Variants in TEKT5 observed in about 807,000 individuals in gnomAD.
TEKT5 encodes the protein tektin-5.
TEKT5 carries 52 observed loss-of-function variants against 48.7 expected under a neutral mutation model. The ratio of observed to expected loss-of-function variants is 1.07; its 90% CI spans 0.86 to 1.35. TEKT5 has a LOEUF of 1.35. Among genes scored for constraint, TEKT5 ranks in the 40% most tolerant of loss-of-function variants. The probability of loss-of-function intolerance (pLI) is 0.00; values close to 1 mark genes in which losing one functional copy is unlikely to be tolerated. For synonymous variants in TEKT5, 318 were observed against 267.6 expected, an observed-to-expected ratio of 1.19 and a Z score of -1.84; for missense variants, 831 against 641.6, an observed-to-expected ratio of 1.30 and a Z score of -3.19.
intron 4 of TEKT5, 133 bp from the exon 5 acceptor site, chr16:10,676,314 T>A: frequency 1.2e-6 from 1 of 852,272 alleles, no homozygotes; most frequent in Non-Finnish European, 1.8e-6. Context: ...TTGGGATGTT[T>A]AAGCAGCATC....
chr16:10,686,472 T>C (rs1306633709), intron 3 of TEKT5, among the ~76,000 whole-genome samples: 1 of 144,206 alleles, frequency 6.9e-6, no homozygotes, highest in East Asian at 2.0e-4. Context: ...AAAAAAAAAA[T>C]AGATTAAAGA....
At position 10,652,813 on chromosome 16, in the gene TEKT5, A is replaced by G. The variant is rs7186472; in HGVS notation, c.1087-16895T>C. ...ACACACACCCTCCAGGCCAGGTAGAACGATCCCTTATATACACAGGCAGAC... is the reference window on the plus strand; with the variant it reads ...ACACACACCCTCCAGGCCAGGTAGAGCGATCCCTTATATACACAGGCAGAC... On this transcript the variant is annotated intron_variant, in intron 5 of 6. Coordinates refer to ENST00000283025, the MANE Select transcript of TEKT5 (RefSeq NM_144674.2). 7.6e-4 allele frequency among the ~76,000 whole-genome samples: 41 copies of G among 54,102 alleles called. 1 individual carries two copies. Among genetic ancestry groups the G allele is most frequent in the African/African-American group, 1.3e-3 (9 of 6,734 alleles). The allele number at this position is 54,102 out of a possible 152,430, so 35.5% of individuals were successfully genotyped here.
intron 5 of TEKT5, among the ~76,000 whole-genome samples, chr16:10,667,397 G>A (rs540377364): frequency 3.3e-5 from 5 of 152,280 alleles, no homozygotes; most frequent in East Asian, 1.9e-4. Context: ...TTAGCCAATC[G>A]CAGGCAGCCA....
At chr16:10,641,448 A>G (rs140759730) in intron 5 of TEKT5, among the ~76,000 whole-genome samples, 257 of 152,220 alleles carry the variant, frequency 1.7e-3, no homozygotes, top group African/African-American at 5.6e-3. Flanking sequence ...TCATCTCCCA[A>G]TACACTTAGG....
chr16:10,664,821 C>A (rs1020782307), intron 5 of TEKT5, among the ~76,000 whole-genome samples: 2 of 152,218 alleles, frequency 1.3e-5, no homozygotes, highest in African/African-American at 4.8e-5. Context: ...TCATCCCTCC[C>A]ACATCAGCAG....
At chr16:10,678,630 C>T (rs1344982878) in intron 4 of TEKT5, among the ~76,000 whole-genome samples, 3 of 152,152 alleles carry the variant, frequency 2.0e-5, no homozygotes, top group Non-Finnish European at 4.4e-5. Context: ...CGCACAACAA[C>T]GTCCCATCCC....
chr16:10,663,805 G>A (rs1898413959), intron 5 of TEKT5, among the ~76,000 whole-genome samples: 1 of 152,192 alleles, frequency 6.6e-6, no homozygotes, highest in Admixed American at 6.5e-5. Context: ...CCAGATATTG[G>A]CAAATGCCAG....
intron 6 of TEKT5, among the ~76,000 whole-genome samples, chr16:10,628,478 G>A (rs1206124017): frequency 1.3e-5 from 2 of 152,184 alleles, no homozygotes; most frequent in East Asian, 3.8e-4. Flanking sequence ...ATATGTACAT[G>A]AATGTTCACG....
chr16:10,643,764 G>A (rs1471770766), intron 5 of TEKT5, among the ~76,000 whole-genome samples: 2 of 152,118 alleles, frequency 1.3e-5, no homozygotes, highest in Non-Finnish European at 1.5e-5. Flanking sequence ...CACGCCGGGC[G>A]GGGTGGCTCA....
intron 3 of TEKT5, among the ~76,000 whole-genome samples, chr16:10,683,288 C>A (rs1898789869): frequency 6.7e-6 from 1 of 149,346 alleles, no homozygotes; most frequent in Non-Finnish European, 1.5e-5. Flanking sequence ...TGGGTGGAGT[C>A]AGGGGCTACG....
At chr16:10,636,300 G>A (rs1027352641) in intron 5 of TEKT5, among the ~76,000 whole-genome samples, 15 of 152,008 alleles carry the variant, frequency 9.9e-5, no homozygotes, top group African/African-American at 3.4e-4. Context: ...GCTTGAACCC[G>A]GGAGGCGGAG....
intron 6 of TEKT5, among the ~76,000 whole-genome samples, chr16:10,633,117 T>G (rs1396448061): frequency 6.6e-6 from 1 of 152,144 alleles, no homozygotes; most frequent in African/African-American, 2.4e-5. Context: ...TCCCAGCACT[T>G]TGGGAGGCCA....
At chr16:10,643,507 C>T (rs1898025109) in intron 5 of TEKT5, among the ~76,000 whole-genome samples, 2 of 152,344 alleles carry the variant, frequency 1.3e-5, no homozygotes, top group South Asian at 4.1e-4. Flanking sequence ...ATGCTATAGC[C>T]TGTGCTGTCC....
intron 6 of TEKT5, among the ~76,000 whole-genome samples, chr16:10,629,910 T>C (rs1389123257): frequency 6.6e-6 from 1 of 152,172 alleles, no homozygotes; most frequent in Admixed American, 6.5e-5. Context: ...GAGGCTTTGC[T>C]TATCTAGAAC....
intron 5 of TEKT5, among the ~76,000 whole-genome samples, chr16:10,644,121 A>C (rs900656565): frequency 1.3e-5 from 2 of 152,196 alleles, no homozygotes; most frequent in Non-Finnish European, 2.9e-5. Context: ...TTAAAGTTAC[A>C]CAAGGGGCTT....
chr16:10,640,361 G>A (rs2466117), intron 5 of TEKT5, among the ~76,000 whole-genome samples: 60,842 of 151,846 alleles, frequency 0.4, 14,762 homozygotes, highest in African/African-American at 0.67. Context: ...TGATCCTGCC[G>A]CCTCAACCTC....
At chr16:10,650,098 G>A (rs1191446289) in intron 5 of TEKT5, among the ~76,000 whole-genome samples, 1 of 148,350 alleles carries the variant, frequency 6.7e-6, no homozygotes, top group Non-Finnish European at 1.5e-5. Context: ...TTGAGACGAA[G>A]TCTTGCTCTA....
intron 1 of TEKT5, among the ~76,000 whole-genome samples, chr16:10,691,653 G>A (rs1567237843): frequency 6.6e-6 from 1 of 152,100 alleles, no homozygotes. Context: ...GAATTAAGAT[G>A]TTAATTTCTG....
chr16:10,674,453 G>A (rs1040223633), intron 5 of TEKT5, among the ~76,000 whole-genome samples: 1 of 151,766 alleles, frequency 6.6e-6, no homozygotes, highest in African/African-American at 2.4e-5. Context: ...AAGCAACATA[G>A]CGAAACCCTG....
Sources: gnomAD v4.1 joint callset for allele counts (sites outside exome capture counted in the v4.1 genomes callset) on GRCh38, gnomAD v4.1.1 for gene constraint, MANE v1.5 for transcripts, NCBI Gene and HGNC (gene_info 2026-07-23, HGNC 2026-07-21) for gene names.